Variants in GLRX3 observed in about 807,000 individuals in gnomAD.
The protein encoded by GLRX3 is glutaredoxin-3.
A neutral mutation model predicts 49.5 loss-of-function variants in GLRX3; 22 were observed. That is an observed-to-expected ratio of 0.44 (90% CI 0.32 to 0.63). GLRX3 has a LOEUF of 0.63. Among genes scored for constraint, GLRX3 ranks in the 30% least tolerant of loss-of-function variants. The pLI is 0.05. For synonymous variants in GLRX3, 133 were observed against 140.0 expected, an observed-to-expected ratio of 0.95 and a Z score of 0.35; for missense variants, 385 against 396.3, an observed-to-expected ratio of 0.97 and a Z score of 0.24.
intron 7 of GLRX3, among the ~76,000 whole-genome samples, 165 bp from the exon 8 acceptor site, chr10:130,171,419 T>C (rs576241725): frequency 2.0e-5 from 3 of 152,140 alleles, no homozygotes; most frequent in Admixed American, 2.0e-4. Flanking sequence ...GATGTGTAGA[T>C]GGGTTCGTAC....
In GLRX3 at chr10:130,177,126, A is replaced by T. The variant is rs185067671; in HGVS notation, c.957+2037A>T. Among the ~76,000 whole-genome samples, 6 of 152,320 alleles carry T rather than the reference A, an allele frequency of 3.9e-5. No homozygotes were observed. The East Asian group carries it at 1.2e-3, about 29-fold the overall frequency. On this transcript the variant is annotated intron_variant, in intron 10 of 10. Transcript: ENST00000331244. ...TTTTGATCTGTTTCTTGCAGAATGC[A>T]GTTCTTCATGTTCAGTTCAATTAAA...
chr10:130,141,322 TG>T (rs1277147990), intron 1 of GLRX3, among the ~76,000 whole-genome samples: 4 of 152,142 alleles, frequency 2.6e-5, no homozygotes, highest in Admixed American at 2.6e-4. Flanking sequence ...ATTTTTTTTT[TG>T]GTCAATTTGG....
intron 1 of GLRX3, among the ~76,000 whole-genome samples, chr10:130,139,501 G>A (rs1244685197): frequency 6.6e-6 from 1 of 151,964 alleles, no homozygotes; most frequent in Non-Finnish European, 1.5e-5. Context: ...AATTAGCCAG[G>A]CATGGTGGCA....
At chr10:130,157,797 G>T (rs562262874) in intron 2 of GLRX3, among the ~76,000 whole-genome samples, 2 of 152,072 alleles carry the variant, frequency 1.3e-5, no homozygotes, top group East Asian at 3.9e-4. Context: ...TATGGCACAG[G>T]GTAGGTCGCC....
At chr10:130,171,470 A>G (rs921521575) in intron 7 of GLRX3, 114 bp from the exon 8 acceptor site, 2 of 707,982 alleles carry the variant, frequency 2.8e-6, no homozygotes, top group Non-Finnish European at 5.1e-6. Flanking sequence ...GCTGAGTGAA[A>G]GTAGTGGCAG....
At chr10:130,161,979 A>G (rs1228324006) in intron 4 of GLRX3, among the ~76,000 whole-genome samples, 1 of 152,086 alleles carries the variant, frequency 6.6e-6, no homozygotes, top group East Asian at 1.9e-4. Context: ...TTTCATGATG[A>G]ATTCTTATTT....
intron 2 of GLRX3, among the ~76,000 whole-genome samples, chr10:130,155,424 A>T (rs536672434): frequency 6.6e-6 from 1 of 152,344 alleles, no homozygotes; most frequent in African/African-American, 2.4e-5. Flanking sequence ...CAGGTACCCC[A>T]GTTAGGAGGC....
chr10:130,150,882 A>C (rs990493362), intron 2 of GLRX3, among the ~76,000 whole-genome samples: 1 of 152,030 alleles, frequency 6.6e-6, no homozygotes, highest in Non-Finnish European at 1.5e-5. Flanking sequence ...ATTTCATTCT[A>C]CAGGAAGGAA....
intron 1 of GLRX3, among the ~76,000 whole-genome samples, chr10:130,143,451 G>T (rs1009715198): frequency 6.6e-6 from 1 of 152,028 alleles, no homozygotes; most frequent in African/African-American, 2.4e-5. Flanking sequence ...AGATATCTTT[G>T]CCAAGATAAT....
intron 4 of GLRX3, among the ~76,000 whole-genome samples, chr10:130,161,873 G>C (rs771321703): frequency 6.6e-6 from 1 of 152,166 alleles, no homozygotes; most frequent in Non-Finnish European, 1.5e-5. Flanking sequence ...TATAAAGATA[G>C]CCAAGCTTCT....
chr10:130,165,493 A>G (rs1460798693), intron 4 of GLRX3, among the ~76,000 whole-genome samples: 1 of 152,128 alleles, frequency 6.6e-6, no homozygotes, highest in Non-Finnish European at 1.5e-5. Flanking sequence ...TAGTAAAAAA[A>G]TTACATTACA....
intron 4 of GLRX3, among the ~76,000 whole-genome samples, chr10:130,161,934 T>C (rs1479662043): frequency 1.3e-5 from 2 of 152,228 alleles, no homozygotes; most frequent in African/African-American, 2.4e-5. Flanking sequence ...AAATTACATA[T>C]TAGCTTATGA....
chr10:130,139,532 C>T (rs1274365377), intron 1 of GLRX3, among the ~76,000 whole-genome samples: 4 of 150,450 alleles, frequency 2.7e-5, no homozygotes, highest in Non-Finnish European at 5.9e-5. Context: ...GTCCCAGTTA[C>T]TCGGGAAGCT....
At chr10:130,144,168 AAAT>A (rs1375002262) in intron 1 of GLRX3, among the ~76,000 whole-genome samples, 2 of 152,204 alleles carry the variant, frequency 1.3e-5, no homozygotes, top group African/African-American at 2.4e-5. Flanking sequence ...TTTAAAAAGT[AAAT>A]AATGATATTA....
chr10:130,145,142 T>C (rs1862247123), intron 1 of GLRX3, 69 bp from the exon 2 acceptor site: 5 of 614,982 alleles, frequency 8.1e-6, no homozygotes, highest in Non-Finnish European at 1.1e-5. Context: ...TTTTTGGTAA[T>C]TTATATCAGT....
Position 130,136,407 on chromosome 10 carries a change from C to A in GLRX3, c.-14C>A. ...GCCGCCGGCACTGGATTGCTTCTGTCTGGCGGCGGCAGCATGGCGGCGGGG... is the reference window on the plus strand; with the variant it reads ...GCCGCCGGCACTGGATTGCTTCTGTATGGCGGCGGCAGCATGGCGGCGGGG... On this transcript the variant is annotated 5_prime_UTR_variant, in exon 1 of 11. In the 5' UTR this introduces an upstream ATG that the reference lacks. Transcript: ENST00000331244. 1 of 1,251,356 alleles carries A rather than the reference C, an allele frequency of 8.0e-7. No homozygotes were observed. The highest frequency in any genetic ancestry group is 3.9e-5 in the South Asian group (1 of 25,798). The allele number at this position is 1,251,356 out of a possible 1,614,324, so 77.5% of individuals were successfully genotyped here. A position where few individuals can be genotyped will look rare whatever the true frequency, so the allele number is the denominator to read the frequency against.
chr10:130,178,252 T>C lies in GLRX3; in HGVS notation c.958-1090T>C, dbSNP rs540977410. On this transcript the variant is annotated intron_variant, in intron 10 of 10. Transcript: ENST00000331244. ...TTTTAACGTCACACTGCTTTTTTTT[T>C]CTTCCTTTTTTTCGAGACAGAGTCT... Among the ~76,000 whole-genome samples, 175 of 152,212 alleles carry C rather than the reference T, an allele frequency of 1.1e-3. 1 individual carries two copies. The highest frequency in any genetic ancestry group is 3.9e-3 in the African/African-American group (163 of 41,512).
At chr10:130,146,608 T>C (rs919071662) in intron 2 of GLRX3, among the ~76,000 whole-genome samples, 12 of 152,214 alleles carry the variant, frequency 7.9e-5, no homozygotes, top group Admixed American at 7.9e-4. Context: ...AAAATATGTG[T>C]TGAGAGTCTT....
intron 2 of GLRX3, among the ~76,000 whole-genome samples, chr10:130,146,120 G>T (rs1196617656): frequency 6.6e-6 from 1 of 152,182 alleles, no homozygotes; most frequent in Non-Finnish European, 1.5e-5. Context: ...ATCATCCTCG[G>T]GTGTGAGGCA....
Sources: gnomAD v4.1 joint callset for allele counts (sites outside exome capture counted in the v4.1 genomes callset) on GRCh38, gnomAD v4.1.1 for gene constraint, MANE v1.5 for transcripts, NCBI Gene and HGNC (gene_info 2026-07-23, HGNC 2026-07-21) for gene names.